SYT14: variants seen among roughly 807,000 people sequenced by gnomAD.
SYT14 encodes the protein synaptotagmin 14.
SYT14 carries 32 observed loss-of-function variants against 74.2 expected under a neutral mutation model. The observed-to-expected ratio is 0.43, with a 90% CI of 0.33 to 0.58. SYT14 has a LOEUF of 0.58. Among genes scored for constraint, SYT14 ranks in the 20% least tolerant of loss-of-function variants. SYT14 has a pLI of 0.05. For synonymous variants in SYT14, 298 were observed against 337.7 expected (o/e 0.88, Z 1.29); for missense variants, 791 against 981.8 (o/e 0.81, Z 2.60).
chr1:210,021,190 G>T, exon 5 of SYT14: 1 of 1,614,018 alleles, frequency 6.2e-7, no homozygotes, highest in Non-Finnish European at 8.5e-7. Flanking sequence ...GGGAAACAAG[G>T]CAGAAATACA....
At chr1:210,013,492 A>C (rs1004806244) in intron 2 of SYT14, 141 bp from the exon 3 acceptor site, 1 of 815,324 alleles carries the variant, frequency 1.2e-6, no homozygotes, top group Non-Finnish European at 1.9e-6. Flanking sequence ...TTTTCTTATA[A>C]ACGAAACTGT....
intron 2 of SYT14, among the ~76,000 whole-genome samples, chr1:209,956,722 C>G (rs902043236): frequency 2.0e-5 from 3 of 152,232 alleles, no homozygotes; most frequent in Non-Finnish European, 4.4e-5. Context: ...CTTACATGCT[C>G]TATATATGCT....
At chr1:209,976,761 T>G (rs1178350089) in intron 2 of SYT14, among the ~76,000 whole-genome samples, 1 of 152,228 alleles carries the variant, frequency 6.6e-6, no homozygotes, top group Non-Finnish European at 1.5e-5. Context: ...GATATCCTTG[T>G]TAACTTTCTG....
chr1:209,971,201 TAG>T (rs1237951734), intron 2 of SYT14, among the ~76,000 whole-genome samples: 4 of 152,186 alleles, frequency 2.6e-5, no homozygotes, highest in Non-Finnish European at 5.9e-5. Flanking sequence ...TATAAGTGTA[TAG>T]AAATGCTGCC....
chr1:210,146,909 A>G (rs2083051099), intron 7 of SYT14, among the ~76,000 whole-genome samples: 2 of 151,754 alleles, frequency 1.3e-5, no homozygotes, highest in African/African-American at 4.8e-5. Flanking sequence ...CATCTCCACT[A>G]CTTCTTTCCT....
Position 210,117,776 on chromosome 1 carries a change from A to G in SYT14, c.2034+17315A>G, listed in dbSNP as rs17015609. On this transcript the variant is annotated intron_variant, in intron 7 of 9. Coordinates refer to ENST00000637265, the Ensembl canonical transcript of SYT14. ...TAAGTCAGATTTTTAGTTTTGTAGG[A>G]AAAAAGTCAGGTTTAAAGGTCAAGT... Among the ~76,000 whole-genome samples, 1,169 of 152,304 alleles carry G rather than the reference A, an allele frequency of 7.7e-3. 21 individuals carry two copies. Among genetic ancestry groups the G allele is most frequent in the African/African-American group, 0.027 (1,116 of 41,566 alleles).
chr1:210,103,194 C>A (rs2082099803), intron 7 of SYT14, among the ~76,000 whole-genome samples: 1 of 151,818 alleles, frequency 6.6e-6, no homozygotes, highest in Non-Finnish European at 1.5e-5. Flanking sequence ...AAAAAAAAGA[C>A]CAATGTCACC....
At chr1:210,085,039 G>A (rs536967201) in intron 5 of SYT14, among the ~76,000 whole-genome samples, 3 of 152,282 alleles carry the variant, frequency 2.0e-5, no homozygotes, top group African/African-American at 7.2e-5. Flanking sequence ...GAATGCCAAA[G>A]TTTGGATTCC....
At chr1:209,953,539 A>G (rs760360814) in intron 2 of SYT14, among the ~76,000 whole-genome samples, 8 of 152,144 alleles carry the variant, frequency 5.3e-5, no homozygotes, top group Non-Finnish European at 1.0e-4. Context: ...TCCCATCCCT[A>G]ATATTTCACT....
chr1:210,156,880 G>A, intron 8 of SYT14: 1 of 407,282 alleles, frequency 2.5e-6, no homozygotes, highest in Non-Finnish European at 5.1e-6. Context: ...TTTTAGTAGA[G>A]GTGGGTTTTC....
At chr1:209,983,849 A>T (rs1192449692) in intron 2 of SYT14, among the ~76,000 whole-genome samples, 1 of 151,842 alleles carries the variant, frequency 6.6e-6, no homozygotes, top group Non-Finnish European at 1.5e-5. Context: ...AGATTGTCCT[A>T]CTCCTCAGGG....
chr1:210,050,526 C>T (rs940869102), intron 5 of SYT14, among the ~76,000 whole-genome samples: 8 of 152,202 alleles, frequency 5.3e-5, no homozygotes, highest in Admixed American at 1.3e-4. Flanking sequence ...ATCTTTTCAG[C>T]AGGACCCCAC....
chr1:210,024,303 G>A (rs1013093086), intron 5 of SYT14, among the ~76,000 whole-genome samples: 1 of 152,164 alleles, frequency 6.6e-6, no homozygotes, highest in East Asian at 1.9e-4. Context: ...GATCTTTGGG[G>A]TAGTATATGT....
intron 2 of SYT14, among the ~76,000 whole-genome samples, chr1:209,982,044 A>G (rs2079496494): frequency 6.6e-6 from 1 of 152,022 alleles, no homozygotes. Context: ...ATTTTCTTGC[A>G]TTATTCCCTC....
At chr1:210,168,820 A>C (rs1250846459) in exon 10 of SYT14, 1 of 152,166 alleles carries the variant, frequency 6.6e-6, no homozygotes, top group Non-Finnish European at 1.5e-5. Context: ...TGGTCCTCCT[A>C]GTGATTCCTG....
intron 7 of SYT14, among the ~76,000 whole-genome samples, chr1:210,113,224 C>G (rs1229089056): frequency 6.6e-6 from 1 of 150,890 alleles, no homozygotes; most frequent in Non-Finnish European, 1.5e-5. Context: ...AGTGTGGGAG[C>G]TGTTTTTTAA....
rs1467241427 is a variant in SYT14, at chr1:209,964,951, A to T, written c.-486+12195A>T. 7.9e-5 allele frequency among the ~76,000 whole-genome samples: 12 copies of T among 152,346 alleles called. No homozygotes were observed. The East Asian group carries it at 2.3e-3, about 29-fold the overall frequency. On this transcript the variant is annotated intron_variant, in intron 2 of 9. Transcript: ENST00000637265. ...ACCACTCTGAGGGTCAAGTTCCCAG[A>T]TGCCAGCCAAGGGCCAACCTTATAA...
intron 7 of SYT14, among the ~76,000 whole-genome samples, chr1:210,134,025 T>A (rs917100772): frequency 2.6e-5 from 4 of 151,994 alleles, no homozygotes; most frequent in African/African-American, 9.7e-5. Context: ...GGTTGGCACA[T>A]AGTTACAATT....
intron 2 of SYT14, among the ~76,000 whole-genome samples, chr1:209,963,716 A>G (rs1322533299): frequency 1.3e-5 from 2 of 152,206 alleles, no homozygotes; most frequent in East Asian, 3.9e-4. Context: ...CCTTTAAGAA[A>G]TATATCTACA....
Sources: allele counts gnomAD v4.1 joint callset (sites outside exome capture counted in the v4.1 genomes callset), GRCh38; gene constraint gnomAD v4.1.1; transcripts MANE v1.5; gene names NCBI Gene and HGNC (gene_info 2026-07-23, HGNC 2026-07-21).